Variants in FBXL7 observed in about 807,000 individuals in gnomAD.
The protein encoded by FBXL7 is F-box and leucine rich repeat protein 7, also known as F-box/LRR-repeat protein 7.
In FBXL7, 12 loss-of-function variants were observed where a neutral mutation model predicts 38.3. That is an observed-to-expected ratio of 0.31 (90% CI 0.20 to 0.51). The LOEUF (loss-of-function observed/expected upper bound fraction) is 0.51. Ranked by LOEUF, FBXL7 falls within the 20% of genes least tolerant of loss-of-function variation. The pLI, the probability that FBXL7 is intolerant of heterozygous loss-of-function variation, is 0.98. For synonymous variants in FBXL7, 297 were observed against 300.9 expected, an observed-to-expected ratio of 0.99 and a Z score of 0.13; for missense variants, 567 against 676.4, an observed-to-expected ratio of 0.84 and a Z score of 1.79.
At chr5:15,723,320 G>A (rs1420054208) in intron 2 of FBXL7, among the ~76,000 whole-genome samples, 1 of 152,160 alleles carries the variant, frequency 6.6e-6, no homozygotes, top group Admixed American at 6.6e-5. Context: ...TTGAATACTA[G>A]AAGAGTACTT....
chr5:15,555,764 G>GT (rs946740113), intron 1 of FBXL7, among the ~76,000 whole-genome samples: 13 of 148,818 alleles, frequency 8.7e-5, no homozygotes, highest in Non-Finnish European at 1.5e-4. Flanking sequence ...TTGGGGATTG[G>GT]TTAGTGGAGA....
At chr5:15,791,709 T>G (rs1431701865) in intron 2 of FBXL7, among the ~76,000 whole-genome samples, 1 of 151,958 alleles carries the variant, frequency 6.6e-6, no homozygotes, top group African/African-American at 2.4e-5. Flanking sequence ...GGAGAAGACT[T>G]TGTGTGGCAG....
chr5:15,865,555 G>C (rs997340530), intron 2 of FBXL7, among the ~76,000 whole-genome samples: 38 of 152,238 alleles, frequency 2.5e-4, no homozygotes, highest in Admixed American at 7.8e-4. Context: ...GCTAAGAATT[G>C]ATGACAAGCC....
intron 1 of FBXL7, among the ~76,000 whole-genome samples, chr5:15,519,453 AAAACAAAC>A (rs764076171): frequency 6.8e-6 from 1 of 146,232 alleles, no homozygotes; most frequent in African/African-American, 2.8e-5. Flanking sequence ...ACAAAAAAAA[AAAACAAAC>A]AAACAAACAA....
At chr5:15,712,769 C>T (rs552980415) in intron 2 of FBXL7, among the ~76,000 whole-genome samples, 1 of 152,204 alleles carries the variant, frequency 6.6e-6, no homozygotes, top group African/African-American at 2.4e-5. Flanking sequence ...GGTGGCATTG[C>T]TGTCTGGAAA....
At chr5:15,847,758 G>C (rs2126790315) in intron 2 of FBXL7, among the ~76,000 whole-genome samples, 1 of 152,242 alleles carries the variant, frequency 6.6e-6, no homozygotes, top group Non-Finnish European at 1.5e-5. Context: ...AGAGAGACTA[G>C]GGCCTTGTTA....
intron 2 of FBXL7, among the ~76,000 whole-genome samples, chr5:15,715,488 T>TC (rs1277672030): frequency 1.8e-5 from 1 of 57,056 alleles, no homozygotes; most frequent in Non-Finnish European, 3.3e-5. Flanking sequence ...AGACTCCGTC[T>TC]CAAAAAAAAA....
intron 2 of FBXL7, among the ~76,000 whole-genome samples, chr5:15,814,392 A>G (rs1737955005): frequency 6.6e-6 from 1 of 152,146 alleles, no homozygotes; most frequent in Admixed American, 6.5e-5. Context: ...ACACATGGAC[A>G]CAGGGAAGGG....
intron 1 of FBXL7, among the ~76,000 whole-genome samples, chr5:15,567,672 T>G (rs2126446285): frequency 6.6e-6 from 1 of 152,186 alleles, no homozygotes; most frequent in Non-Finnish European, 1.5e-5. Flanking sequence ...CGTATACATG[T>G]GCCATGTTGG....
intron 2 of FBXL7, among the ~76,000 whole-genome samples, chr5:15,768,672 G>C (rs1006436365): frequency 6.6e-5 from 10 of 152,162 alleles, no homozygotes; most frequent in Admixed American, 3.9e-4. Context: ...TTCTGGGATG[G>C]GGCTGGTCAT....
At chr5:15,709,087 C>T (rs1309055182) in intron 2 of FBXL7, among the ~76,000 whole-genome samples, 1 of 152,134 alleles carries the variant, frequency 6.6e-6, no homozygotes, top group African/African-American at 2.4e-5. Context: ...CCACTGAGAG[C>T]ACATTCTTCA....
At chr5:15,582,823 A>G (rs1376100720) in intron 1 of FBXL7, among the ~76,000 whole-genome samples, 2 of 152,150 alleles carry the variant, frequency 1.3e-5, no homozygotes, top group African/African-American at 4.8e-5. Flanking sequence ...GTTTCAGTCA[A>G]TCTTTCCAAA....
At chr5:15,817,245 A>G (rs924649283) in intron 2 of FBXL7, among the ~76,000 whole-genome samples, 1 of 152,174 alleles carries the variant, frequency 6.6e-6, no homozygotes, top group Non-Finnish European at 1.5e-5. Flanking sequence ...ATAGTCTTTT[A>G]AGGACAAACA....
At chr5:15,790,348 T>A (rs940447094) in intron 2 of FBXL7, among the ~76,000 whole-genome samples, 1 of 152,122 alleles carries the variant, frequency 6.6e-6, no homozygotes, top group African/African-American at 2.4e-5. Context: ...CTGATGTTGG[T>A]CCCTTGTTCA....
At chr5:15,631,532 C>A (rs1271482798) in intron 2 of FBXL7, among the ~76,000 whole-genome samples, 2 of 151,506 alleles carry the variant, frequency 1.3e-5, no homozygotes, top group Non-Finnish European at 2.9e-5. Flanking sequence ...CCCGTCCCTA[C>A]TAAAAATACA....
At chr5:15,891,436 AATCCATCCACTCAACAAACATTTAT>A (rs1740897228) in intron 2 of FBXL7, among the ~76,000 whole-genome samples, 1 of 152,224 alleles carries the variant, frequency 6.6e-6, no homozygotes, top group Admixed American at 6.5e-5. Context: ...TACATTTTAG[AATCCATCCACTCAACAAACATTTAT>A]TAAAGTACAT....
chr5:15,937,705 T>C lies in FBXL7; in HGVS notation c.*519T>C, dbSNP rs1579619037. 2 of 154,622 alleles carry C rather than the reference T, an allele frequency of 1.3e-5. No individual in the cohort carries two copies. The highest frequency in any genetic ancestry group is 2.9e-5 in the Non-Finnish European group (2 of 69,670). The allele number at this position is 154,622 out of a possible 1,614,324, so 9.6% of individuals were successfully genotyped here. A position where few individuals can be genotyped will look rare whatever the true frequency, so the allele number is the denominator to read the frequency against. On this transcript the variant is annotated 3_prime_UTR_variant, in exon 4 of 4. Coordinates refer to ENST00000504595, the MANE Select transcript of FBXL7 (RefSeq NM_012304.5). Reference sequence around the variant, plus strand: ...GGACATTCTTGTCAACTCAATACCATAGCACTTTGCATAGGCAAAATACTT... The same window carrying C: ...GGACATTCTTGTCAACTCAATACCACAGCACTTTGCATAGGCAAAATACTT...
At chr5:15,772,848 C>T (rs2126712427) in intron 2 of FBXL7, among the ~76,000 whole-genome samples, 1 of 152,044 alleles carries the variant, frequency 6.6e-6, no homozygotes, top group East Asian at 1.9e-4. Context: ...GCTCTTCTTA[C>T]ATTCTGTGAA....
intron 2 of FBXL7, among the ~76,000 whole-genome samples, chr5:15,833,363 G>A (rs370312639): frequency 5.9e-5 from 9 of 152,242 alleles, no homozygotes; most frequent in East Asian, 1.9e-4. Flanking sequence ...CATGAGGTCA[G>A]AGCCCTCATA....
Sources: allele counts gnomAD v4.1 joint callset (sites outside exome capture counted in the v4.1 genomes callset), GRCh38; gene constraint gnomAD v4.1.1; transcripts MANE v1.5; gene names NCBI Gene and HGNC (gene_info 2026-07-23, HGNC 2026-07-21).